The following KCNMB2 variants were observed in gnomAD, a reference collection of about 807,000 sequenced individuals.
KCNMB2 encodes potassium calcium-activated channel subfamily M regulatory beta subunit 2, also known as calcium-activated potassium channel subunit beta-2.
Under a neutral mutation model 24.5 loss-of-function variants are expected in KCNMB2, and 9 were observed. The observed-to-expected ratio is 0.37, with a 90% CI of 0.22 to 0.64. The LOEUF (loss-of-function observed/expected upper bound fraction) is 0.64, where lower values mean the gene tolerates loss of function less well. KCNMB2 is among the 30% of genes least tolerant of loss of function. KCNMB2 has a pLI of 0.63. For missense variants in KCNMB2, 226 were observed against 284.3 expected (o/e 0.79, Z 1.47); for synonymous variants, 109 against 104.4 (o/e 1.04, Z -0.27).
intron 1 of KCNMB2, among the ~76,000 whole-genome samples, chr3:178,547,052 T>A (rs1488959875): frequency 6.6e-6 from 1 of 152,232 alleles, no homozygotes; most frequent in Non-Finnish European, 1.5e-5. Context: ...GACCTTTAGG[T>A]GAGCAGGTCA....
At chr3:178,682,720 T>G (rs1281900800) in intron 1 of KCNMB2, among the ~76,000 whole-genome samples, 1 of 151,948 alleles carries the variant, frequency 6.6e-6, no homozygotes, top group African/African-American at 2.4e-5. Context: ...GAACAGACAC[T>G]TCTTAAAAGA....
intron 1 of KCNMB2, among the ~76,000 whole-genome samples, chr3:178,655,988 G>A (rs1720328634): frequency 6.6e-6 from 1 of 152,110 alleles, no homozygotes; most frequent in African/African-American, 2.4e-5. Flanking sequence ...TCTCCATAAA[G>A]GAGGCCCACA....
At chr3:178,633,978 CT>C (rs1719422668) in intron 1 of KCNMB2, among the ~76,000 whole-genome samples, 1 of 152,150 alleles carries the variant, frequency 6.6e-6, no homozygotes, top group Non-Finnish European at 1.5e-5. Flanking sequence ...CAAGAGTGAC[CT>C]TTACTCCAGT....
intron 1 of KCNMB2, among the ~76,000 whole-genome samples, chr3:178,734,368 G>C (rs528734565): frequency 6.6e-6 from 1 of 152,270 alleles, no homozygotes; most frequent in South Asian, 2.1e-4. Flanking sequence ...ATGCTCAATT[G>C]TATCTTGTTT....
intron 1 of KCNMB2, among the ~76,000 whole-genome samples, chr3:178,778,684 G>C (rs1025738678): frequency 2.0e-5 from 3 of 152,136 alleles, no homozygotes; most frequent in Non-Finnish European, 4.4e-5. Context: ...GCACGTTACT[G>C]TTTGGCCTGG....
At chr3:178,819,866 A>G (rs2108462584) in intron 2 of KCNMB2, among the ~76,000 whole-genome samples, 1 of 152,268 alleles carries the variant, frequency 6.6e-6, no homozygotes, top group Non-Finnish European at 1.5e-5. Context: ...AATTTTTGTC[A>G]TATTTGTTAG....
Position 178,751,205 on chromosome 3 carries a change from C to A in KCNMB2, c.-67-56138C>A, listed in dbSNP as rs140898798. 7.5e-3 allele frequency among the ~76,000 whole-genome samples: 1,135 copies of A among 152,080 alleles called. 2 individuals carry two copies. The highest frequency in any genetic ancestry group is 0.012 in the Non-Finnish European group (806 of 67,962). On this transcript the variant is annotated intron_variant, in intron 1 of 4. Coordinates refer to ENST00000452583, the MANE Select transcript of KCNMB2 (RefSeq NM_181361.3). ...CAAGACTGAGGCTTTCTTTTAGGTT[C>A]CAAGAAGACCAGAGTAAAGGTATAC...
At chr3:178,736,292 T>A (rs1321210537) in intron 1 of KCNMB2, among the ~76,000 whole-genome samples, 1 of 152,180 alleles carries the variant, frequency 6.6e-6, no homozygotes, top group Non-Finnish European at 1.5e-5. Flanking sequence ...AGATAACCCA[T>A]CTAAACGGGT....
At chr3:178,563,245 C>T (rs376398322) in intron 1 of KCNMB2, among the ~76,000 whole-genome samples, 2 of 152,264 alleles carry the variant, frequency 1.3e-5, no homozygotes, top group African/African-American at 2.4e-5. Context: ...ACTGGGCAGC[C>T]GTTAAGGATT....
At chr3:178,810,902 CTTTTT>C (rs56925343) in intron 2 of KCNMB2, among the ~76,000 whole-genome samples, 1 of 107,990 alleles carries the variant, frequency 9.3e-6, no homozygotes, top group Non-Finnish European at 1.8e-5. Flanking sequence ...ACCTGGCTAA[CTTTTT>C]TTTTTTTTTT....
intron 1 of KCNMB2, among the ~76,000 whole-genome samples, chr3:178,733,797 C>T (rs1040846162): frequency 6.6e-6 from 1 of 152,058 alleles, no homozygotes; most frequent in Non-Finnish European, 1.5e-5. Flanking sequence ...TTTAAGTGAT[C>T]ATCTGGTTTC....
intron 1 of KCNMB2, among the ~76,000 whole-genome samples, chr3:178,683,752 G>A (rs1721357026): frequency 6.6e-6 from 1 of 152,124 alleles, no homozygotes; most frequent in South Asian, 2.1e-4. Context: ...TTCCAGGCTT[G>A]TCAAATGCTT....
At chr3:178,546,378 G>A (rs1715772953) in intron 1 of KCNMB2, among the ~76,000 whole-genome samples, 1 of 152,100 alleles carries the variant, frequency 6.6e-6, no homozygotes, top group Non-Finnish European at 1.5e-5. Context: ...TTTCATATAA[G>A]CATATAAAGT....
At chr3:178,709,298 T>A (rs571396313) in intron 1 of KCNMB2, among the ~76,000 whole-genome samples, 11 of 152,310 alleles carry the variant, frequency 7.2e-5, no homozygotes, top group African/African-American at 2.2e-4. Flanking sequence ...TTTTCAAATG[T>A]TTCCGGTTGC....
chr3:178,632,439 G>A (rs190423812), intron 1 of KCNMB2, among the ~76,000 whole-genome samples: 41 of 152,268 alleles, frequency 2.7e-4, no homozygotes, highest in African/African-American at 9.1e-4. Flanking sequence ...TTACAATCGT[G>A]GCAGAGGGGA....
chr3:178,750,788 AC>A (rs1723818848), intron 1 of KCNMB2, among the ~76,000 whole-genome samples: 1 of 152,006 alleles, frequency 6.6e-6, no homozygotes, highest in Admixed American at 6.6e-5. Context: ...AAGAGGGAAA[AC>A]TTTTCACCCT....
At chr3:178,743,120 C>T (rs1227584676) in intron 1 of KCNMB2, among the ~76,000 whole-genome samples, 1 of 152,066 alleles carries the variant, frequency 6.6e-6, no homozygotes, top group African/African-American at 2.4e-5. Flanking sequence ...AGCAGTGTAG[C>T]AGAGTGTGCA....
At chr3:178,778,480 A>G (rs1282118066) in intron 1 of KCNMB2, among the ~76,000 whole-genome samples, 1 of 122,624 alleles carries the variant, frequency 8.2e-6, no homozygotes, top group Non-Finnish European at 1.9e-5. Context: ...ACACACACAC[A>G]CACACACACA....
intron 1 of KCNMB2, among the ~76,000 whole-genome samples, chr3:178,715,000 G>GA (rs1722573308): frequency 1.3e-5 from 2 of 151,980 alleles, no homozygotes; most frequent in South Asian, 4.1e-4. Context: ...GCACTGAAAA[G>GA]AAAAAAATAT....
Sources: gnomAD v4.1 joint callset for allele counts (sites outside exome capture counted in the v4.1 genomes callset) on GRCh38, gnomAD v4.1.1 for gene constraint, MANE v1.5 for transcripts, NCBI Gene and HGNC (gene_info 2026-07-23, HGNC 2026-07-21) for gene names.